CAST: variants seen among roughly 807,000 people sequenced by gnomAD.
CAST encodes the protein MIR583 host.
A neutral mutation model predicts 119.6 loss-of-function variants in CAST; 76 were observed. That is an observed-to-expected ratio of 0.64 (90% CI 0.53 to 0.77). The LOEUF (loss-of-function observed/expected upper bound fraction) is 0.77, where lower values mean the gene tolerates loss of function less well. CAST is among the 30% of genes least tolerant of loss of function. The probability of loss-of-function intolerance (pLI) is 0.00; values close to 1 mark genes in which losing one functional copy is unlikely to be tolerated. For synonymous variants in CAST, 319 were observed against 331.6 expected (o/e 0.96, Z 0.41); for missense variants, 953 against 946.5 (o/e 1.01, Z -0.09).
At chr5:96,530,788 C>CT (rs1379164128) in intron 1 of CAST, among the ~76,000 whole-genome samples, 5 of 152,014 alleles carry the variant, frequency 3.3e-5, no homozygotes, top group Non-Finnish European at 5.9e-5. Flanking sequence ...AAAATAGCAA[C>CT]TTTTTTTAAA....
At chr5:96,515,307 A>ATTGT in the CAST span, among the ~76,000 whole-genome samples, 2 of 46,972 alleles carry the variant, frequency 4.3e-5, no homozygotes, top group Non-Finnish European at 1.0e-4. Context: ...ACAATGTTTG[A>ATTGT]TTGTTTGTTT....
chr5:96,159,254 G>T, the CAST span, among the ~76,000 whole-genome samples: 1 of 152,168 alleles, frequency 6.6e-6, no homozygotes, highest in African/African-American at 2.4e-5. Flanking sequence ...TATTTGGGAG[G>T]CTGTGAGTCA....
chr5:95,979,933 C>T, the CAST span, among the ~76,000 whole-genome samples: 3 of 152,094 alleles, frequency 2.0e-5, no homozygotes, highest in African/African-American at 7.2e-5. Context: ...GCCTGACCAA[C>T]ATGGTAAAGT....
chr5:96,609,038 A>C (rs1747311074), intron 1 of CAST, among the ~76,000 whole-genome samples: 1 of 152,274 alleles, frequency 6.6e-6, no homozygotes, highest in Non-Finnish European at 1.5e-5. Context: ...ACCTTACACA[A>C]AAATACTTCT....
At chr5:96,331,974 T>C in the CAST span, among the ~76,000 whole-genome samples, 1 of 152,254 alleles carries the variant, frequency 6.6e-6, no homozygotes. Context: ...CAGTCACTCC[T>C]GACACTTTTC....
At chr5:96,258,597 C>T in the CAST span, among the ~76,000 whole-genome samples, 2 of 152,256 alleles carry the variant, frequency 1.3e-5, no homozygotes, top group South Asian at 2.1e-4. Flanking sequence ...GACCCACCCC[C>T]CACCATGTTT....
the CAST span, among the ~76,000 whole-genome samples, chr5:96,214,299 T>C: frequency 6.6e-6 from 1 of 151,936 alleles, no homozygotes. Flanking sequence ...TTCCGGAGAG[T>C]TGTGAAGTTA....
chr5:96,376,037 T>C, the CAST span, among the ~76,000 whole-genome samples: 3 of 151,058 alleles, frequency 2.0e-5, no homozygotes, highest in Non-Finnish European at 4.4e-5. Context: ...TATCACATGC[T>C]AATATCATGG....
the CAST span, among the ~76,000 whole-genome samples, chr5:96,435,182 A>T: frequency 6.6e-6 from 1 of 152,234 alleles, no homozygotes; most frequent in African/African-American, 2.4e-5. Flanking sequence ...GAGGAGGAAC[A>T]TATTTGTCCC....
the CAST span, among the ~76,000 whole-genome samples, chr5:96,256,589 T>C: frequency 6.6e-6 from 1 of 150,440 alleles, no homozygotes; most frequent in Non-Finnish European, 1.5e-5. Flanking sequence ...TACTGAATAC[T>C]GTAGGCAGTT....
the CAST span, among the ~76,000 whole-genome samples, chr5:95,965,887 T>C: frequency 1.1e-4 from 16 of 152,354 alleles, no homozygotes; most frequent in South Asian, 8.3e-4. Flanking sequence ...TATTGTATTG[T>C]GTGAATATTT....
the CAST span, among the ~76,000 whole-genome samples, chr5:96,462,209 A>G: frequency 6.6e-6 from 1 of 151,952 alleles, no homozygotes; most frequent in Non-Finnish European, 1.5e-5. Flanking sequence ...TTCTTAATTG[A>G]TTGCTTTTGG....
chr5:95,994,426 A>T, the CAST span, among the ~76,000 whole-genome samples: 2 of 152,156 alleles, frequency 1.3e-5, no homozygotes, highest in Non-Finnish European at 2.9e-5. Context: ...ATTCATAAGA[A>T]ATTCTGGAAA....
the CAST span, among the ~76,000 whole-genome samples, chr5:96,234,164 A>G: frequency 6.6e-6 from 1 of 152,152 alleles, no homozygotes; most frequent in Admixed American, 6.6e-5. Context: ...GCCTGCATCA[A>G]TTCTTTGAAT....
At chr5:96,625,954 GC>G (rs1268633257) in intron 1 of CAST, among the ~76,000 whole-genome samples, 1 of 152,194 alleles carries the variant, frequency 6.6e-6, no homozygotes, top group Admixed American at 6.5e-5. Flanking sequence ...AGAACTGCCT[GC>G]AGTCTGAGAC....
At chr5:96,353,138 G>A in the CAST span, among the ~76,000 whole-genome samples, 2 of 151,882 alleles carry the variant, frequency 1.3e-5, no homozygotes, top group Non-Finnish European at 2.9e-5. Context: ...AACAATACTC[G>A]AAGACTTATT....
At chr5:96,370,683 G>A in the CAST span, among the ~76,000 whole-genome samples, 2 of 151,168 alleles carry the variant, frequency 1.3e-5, no homozygotes, top group East Asian at 3.8e-4. Flanking sequence ...GGAAGAGTTT[G>A]GATTGTAAGT....
intron 13 of CAST, 70 bp from the exon 14 acceptor site, chr5:96,741,196 T>G: frequency 1.2e-6 from 1 of 832,904 alleles, no homozygotes; most frequent in Admixed American, 2.1e-5. Flanking sequence ...CTTCATTTGC[T>G]AGGTTTATGA....
chr5:96,018,638 G>C, the CAST span, among the ~76,000 whole-genome samples: 1 of 152,080 alleles, frequency 6.6e-6, no homozygotes, highest in African/African-American at 2.4e-5. Context: ...TCAGTATTTG[G>C]GGAAGACCTA....
Sources: allele counts gnomAD v4.1 joint callset (sites outside exome capture counted in the v4.1 genomes callset), GRCh38; gene constraint gnomAD v4.1.1; transcripts MANE v1.5; gene names NCBI Gene and HGNC (gene_info 2026-07-23, HGNC 2026-07-21).